DCAF10: variants seen among roughly 807,000 people sequenced by gnomAD.
DCAF10 encodes DDB1- and CUL4-associated factor 10.
DCAF10 carries 19 observed loss-of-function variants against 51.9 expected under a neutral mutation model. The observed-to-expected ratio is 0.37, with a 90% CI of 0.26 to 0.54. The LOEUF is 0.54. Among genes scored for constraint, DCAF10 ranks in the 20% least tolerant of loss-of-function variants. The pLI, the probability that DCAF10 is intolerant of heterozygous loss-of-function variation, is 0.87. For synonymous variants in DCAF10, 291 were observed against 297.1 expected (o/e 0.98, Z 0.21); for missense variants, 510 against 730.6 (o/e 0.70, Z 3.48).
At position 37,801,441 on chromosome 9, in the gene DCAF10, C is replaced by T. The variant is rs938344323; in HGVS notation, c.539+36C>T. The T allele has an allele frequency of 5.7e-6, 8 of 1,401,024 alleles. No homozygotes were observed. The highest frequency in any genetic ancestry group is 3.4e-5 in the Admixed American group (1 of 29,742). 86.8% of individuals were successfully genotyped at this position (1,401,024 alleles called of 1,614,324 possible). On this transcript the variant is annotated intron_variant, in intron 1 of 6. Coordinates refer to ENST00000377724, the MANE Select transcript of DCAF10 (RefSeq NM_024345.5). The surrounding 1 kb of genome is among the most constrained non-coding windows in gnomAD (Gnocchi z 5.5). ...CCCCTCGGAGGGCGGGCGCCCGCCT[C>T]CGCCCGGCTCTGCTGCCAGCGGACG...
chr9:37,815,649 T>TAA (rs11405685), intron 1 of DCAF10, among the ~76,000 whole-genome samples: 340 of 141,640 alleles, frequency 2.4e-3, no homozygotes, highest in African/African-American at 7.4e-3. Context: ...CTGTCTCCAA[T>TAA]AAAAAAAAAA....
At position 37,862,191 on chromosome 9, in the gene DCAF10, CCT is replaced by C. The variant is rs1831037921; in HGVS notation, c.*688_*689del. On this transcript the variant is annotated 3_prime_UTR_variant, in exon 7 of 7. Coordinates refer to ENST00000377724, the MANE Select transcript of DCAF10 (RefSeq NM_024345.5). Reference sequence around the variant, plus strand: ...GAAATTCTAGAAAAAAATATTACCACCTCTCTTTGTAATTTACTTTACTTGTA... The same window carrying C: ...GAAATTCTAGAAAAAAATATTACCACCTCTTTGTAATTTACTTTACTTGTA... 6.6e-6 allele frequency: 1 copy of C among 152,580 alleles called. No individual in the cohort carries two copies. The highest frequency in any genetic ancestry group is 2.1e-4 in the South Asian group (1 of 4,832). 9.5% of individuals were successfully genotyped at this position (152,580 alleles called of 1,614,324 possible).
rs147738663 is a variant in DCAF10 at position 37,867,426 on chromosome 9, A to G, written c.*5918A>G. The G allele has an allele frequency of 1.7e-4, 26 of 151,998 alleles. No homozygotes were observed. The highest frequency in any genetic ancestry group is 3.4e-4 in the Non-Finnish European group (23 of 67,976). The allele number at this position is 151,998 out of a possible 1,614,324, so 9.4% of individuals were successfully genotyped here. ...TCTTTTAAATTTCACTGCATCTTCA[A>G]TTGCCCAACTGTGTTTCCTGATAAA... On this transcript the variant is annotated 3_prime_UTR_variant, in exon 7 of 7. Coordinates refer to ENST00000377724, the MANE Select transcript of DCAF10 (RefSeq NM_024345.5).
chr9:37,853,327 C>T (rs955561283), intron 3 of DCAF10, among the ~76,000 whole-genome samples: 5 of 149,604 alleles, frequency 3.3e-5, no homozygotes, highest in Non-Finnish European at 5.9e-5. Flanking sequence ...GCAGGAGAAT[C>T]GCTTGAACCC....
chr9:37,827,222 G>A (rs1009827258), intron 2 of DCAF10, among the ~76,000 whole-genome samples: 10 of 152,124 alleles, frequency 6.6e-5, no homozygotes, highest in Non-Finnish European at 1.5e-4. Context: ...GGAAATGAAA[G>A]TTGGAGGTGG....
At chr9:37,842,915 T>A (rs1035399774) in intron 3 of DCAF10, among the ~76,000 whole-genome samples, 1 of 152,234 alleles carries the variant, frequency 6.6e-6, no homozygotes, top group African/African-American at 2.4e-5. Flanking sequence ...AAATTGATAT[T>A]TAAAGAGTTG....
At chr9:37,800,675 C>T, upstream of DCAF10, 3 of 1,532,418 alleles carry the variant, frequency 2.0e-6, no homozygotes, top group Non-Finnish European at 2.6e-6. Context: ...ACCTCCGTTC[C>T]CGGGACTGCG....
At chr9:37,825,794 G>A (rs757394516) in intron 2 of DCAF10, among the ~76,000 whole-genome samples, 15 of 152,080 alleles carry the variant, frequency 9.9e-5, no homozygotes, top group Admixed American at 7.2e-4. Flanking sequence ...GGAGGCAGGC[G>A]GATCACCTGA....
At chr9:37,822,160 T>C (rs1564030753) in intron 2 of DCAF10, among the ~76,000 whole-genome samples, 1 of 152,282 alleles carries the variant, frequency 6.6e-6, no homozygotes, top group East Asian at 1.9e-4. Context: ...ACTTCTACAC[T>C]GCTGGTGGGA....
chr9:37,834,634 C>A (rs1830098573), intron 2 of DCAF10, among the ~76,000 whole-genome samples: 1 of 152,172 alleles, frequency 6.6e-6, no homozygotes. Flanking sequence ...GGTTTTAAAT[C>A]CATCTGTGCA....
chr9:37,843,518 A>G (rs1415864857), intron 3 of DCAF10, among the ~76,000 whole-genome samples: 2 of 152,306 alleles, frequency 1.3e-5, no homozygotes, highest in South Asian at 2.1e-4. Flanking sequence ...TAACTTCCAA[A>G]TTAGTAGAGG....
At chr9:37,847,665 A>G (rs1255873059) in intron 3 of DCAF10, among the ~76,000 whole-genome samples, 1 of 152,184 alleles carries the variant, frequency 6.6e-6, no homozygotes, top group Non-Finnish European at 1.5e-5. Flanking sequence ...TGGAGGTGCA[A>G]TCAGGTAAAA....
At chr9:37,828,760 G>C (rs1020756244) in intron 2 of DCAF10, among the ~76,000 whole-genome samples, 2 of 152,090 alleles carry the variant, frequency 1.3e-5, no homozygotes, top group Non-Finnish European at 2.9e-5. Context: ...AACCAGTGCG[G>C]GGTGGAAATG....
At chr9:37,851,788 AAAATAAAT>A (rs528017195) in intron 3 of DCAF10, among the ~76,000 whole-genome samples, 36 of 141,532 alleles carry the variant, frequency 2.5e-4, no homozygotes, top group African/African-American at 9.4e-4. Flanking sequence ...ACTCTGTCTC[AAAATAAAT>A]AAATAAATAA....
intron 3 of DCAF10, among the ~76,000 whole-genome samples, chr9:37,853,590 T>C (rs1457723987): frequency 6.6e-6 from 1 of 152,022 alleles, no homozygotes; most frequent in Admixed American, 6.6e-5. Context: ...TTTACAACTT[T>C]TTCTTCTGGT....
At chr9:37,816,059 T>G (rs1328303092) in intron 1 of DCAF10, among the ~76,000 whole-genome samples, 2 of 152,142 alleles carry the variant, frequency 1.3e-5, no homozygotes, top group African/African-American at 4.8e-5. Flanking sequence ...CTCCCAAAAT[T>G]CTGGAATAAC....
chr9:37,849,780 TG>T (rs1400644591), intron 3 of DCAF10, among the ~76,000 whole-genome samples: 1 of 152,006 alleles, frequency 6.6e-6, no homozygotes, highest in Non-Finnish European at 1.5e-5. Context: ...CTCAGGAGGC[TG>T]AGGAAGGAGA....
rs1830355734 is a variant in DCAF10, at chr9:37,842,221, T to A, written c.786T>A (p.Asp262Glu). 1.2e-6 allele frequency: 2 copies of A among 1,613,982 alleles called. No individual in the cohort carries two copies. The highest frequency in any genetic ancestry group is 1.7e-6 in the Non-Finnish European group (2 of 1,179,938). Residue 262 changes from aspartate (D) to glutamate (E), a missense_variant, in exon 3 of 7, where the codon GAT becomes GAA. By Grantham distance (45) the Asp-to-Glu change is conservative (BLOSUM62 2). Transcript: ENST00000377724. ...HTSWVKNIEY[D>E]TNTRLLVTSG... Reference sequence around the variant, plus strand: ...GCTGGGTGAAGAACATCGAATATGATACTAATACAAGACTCTTAGTAACAT... The same window carrying A: ...GCTGGGTGAAGAACATCGAATATGAAACTAATACAAGACTCTTAGTAACAT...
intron 1 of DCAF10, among the ~76,000 whole-genome samples, chr9:37,818,450 G>A (rs979827310): frequency 2.6e-5 from 4 of 151,984 alleles, no homozygotes; most frequent in African/African-American, 7.3e-5. Context: ...AAATGAATCT[G>A]AAAGAGCAGG....
Sources: allele counts gnomAD v4.1 joint callset (sites outside exome capture counted in the v4.1 genomes callset), GRCh38; gene constraint gnomAD v4.1.1; non-coding constraint Gnocchi (gnomAD v3.1); transcripts MANE v1.5; gene names NCBI Gene and HGNC (gene_info 2026-07-23, HGNC 2026-07-21).